The following SSB variants were observed in gnomAD, a reference collection of about 807,000 sequenced individuals.
SSB encodes small RNA binding exonuclease protection factor La.
SSB carries 17 observed loss-of-function variants against 52.9 expected under a neutral mutation model. The observed-to-expected ratio is 0.32, with a 90% CI of 0.22 to 0.48. The LOEUF (loss-of-function observed/expected upper bound fraction) is 0.48. Among genes scored for constraint, SSB ranks in the 20% least tolerant of loss-of-function variants. The pLI, the probability that SSB is intolerant of heterozygous loss-of-function variation, is 0.99. For missense variants in SSB, 314 were observed against 463.6 expected (o/e 0.68, Z 2.96); for synonymous variants, 111 against 152.1 (o/e 0.73, Z 1.99).
At chr2:169,800,857 A>T in intron 1 of SSB, 95 bp from the exon 2 acceptor site, 1 of 885,302 alleles carries the variant, frequency 1.1e-6, no homozygotes, top group Non-Finnish European at 1.6e-6. Context: ...TTGATTTTTT[A>T]AGAAAACGGG....
rs1689698102 is a variant in SSB, at chr2:169,800,847, T to G, written c.-9-105T>G. ...ACTGAACCCGTGAAAATAGAAATTC[T>G]TGATTTTTTAAGAAAACGGGATATT... On this transcript the variant is annotated intron_variant, in intron 1 of 11. Transcript: ENST00000260956. 3.8e-6 allele frequency: 3 copies of G among 798,370 alleles called. No homozygotes were observed. In the African/African-American group the frequency reaches 5.4e-5, roughly 14 times the overall value. The allele number at this position is 798,370 out of a possible 1,614,324, so 49.5% of individuals were successfully genotyped here.
At position 169,811,844 on chromosome 2, in the gene SSB, C is replaced by G. The variant is rs756961115; in HGVS notation, c.*88C>G. 2 of 1,613,552 alleles carry G rather than the reference C, an allele frequency of 1.2e-6. No individual in the cohort carries two copies. The stretch of plus-strand genomic sequence containing the variant: ...TTTAAAAGGAAAACCGAATTAGGTC[C>G]ACTTCAATGTCCACCTGTGAGAAAG... On this transcript the variant is annotated 3_prime_UTR_variant, in exon 12 of 12. Transcript: ENST00000260956.
intron 2 of SSB, among the ~76,000 whole-genome samples, 168 bp downstream of exon 2, chr2:169,801,194 T>C (rs1222208132): frequency 6.6e-6 from 1 of 152,230 alleles, no homozygotes; most frequent in Non-Finnish European, 1.5e-5. Context: ...GTTGTGAAAC[T>C]TAAGATGTAC....
At chr2:169,805,276 C>G (rs1391419441) in intron 2 of SSB, among the ~76,000 whole-genome samples, 198 bp from the exon 3 acceptor site, 1 of 152,188 alleles carries the variant, frequency 6.6e-6, no homozygotes, top group Non-Finnish European at 1.5e-5. Context: ...ATTGACACAT[C>G]TGTTACACTA....
In SSB at chr2:169,811,712, G is replaced by A. The variant is rs766886435; in HGVS notation, c.1183G>A (p.Ala395Thr). Residue 395 changes from alanine to threonine, a missense_variant, in exon 12 of 12, where the codon GCA (alanine) becomes ACA (threonine). Coordinates refer to ENST00000260956, the MANE Select transcript of SSB (RefSeq NM_003142.5). ...AGAAGAAACAGACAAAGAAGAACCT[G>A]CATCCAAACAACAGAAAACAGAAAA... The part of the protein sequence containing the change: ...AREETDKEEP[A>T]SKQQKTENGA... 1 of 1,613,316 alleles carries A rather than the reference G, an allele frequency of 6.2e-7. No individual in the cohort carries two copies. The highest frequency in any genetic ancestry group is 8.5e-7 in the Non-Finnish European group (1 of 1,179,558).
intron 9 of SSB, 75 bp from the exon 10 acceptor site, chr2:169,810,783 A>T: frequency 6.9e-7 from 1 of 1,448,944 alleles, no homozygotes; most frequent in Admixed American, 2.3e-5. Context: ...GGTAGAAAAA[A>T]TTACTTTGGA....
At chr2:169,803,738 CTT>C (rs879916895) in intron 2 of SSB, among the ~76,000 whole-genome samples, 1 of 144,376 alleles carries the variant, frequency 6.9e-6, no homozygotes, top group Non-Finnish European at 1.5e-5. Flanking sequence ...AAAATAGTGT[CTT>C]TTTTTTTTTT....
intron 11 of SSB, 146 bp from the exon 12 acceptor site, chr2:169,811,522 T>G: frequency 7.8e-7 from 1 of 1,289,734 alleles, no homozygotes; most frequent in Non-Finnish European, 1.0e-6. Flanking sequence ...AGAGGTCAGG[T>G]CTGTACTAAG....
At chr2:169,799,255 G>A (rs2105693864) in intron 1 of SSB, 1 of 150,394 alleles carries the variant, frequency 6.6e-6, no homozygotes, top group African/African-American at 2.4e-5. Context: ...ACGGGACTGT[G>A]GCTGCCCTCA....
intron 6 of SSB, 73 bp from the exon 7 acceptor site, chr2:169,808,409 T>A: frequency 8.2e-7 from 1 of 1,214,814 alleles, no homozygotes. Flanking sequence ...TGCCATGTCT[T>A]AAGTTATTCA....
chr2:169,801,342 G>A (rs141180130), intron 2 of SSB, among the ~76,000 whole-genome samples: 1,984 of 152,160 alleles, frequency 0.013, 60 homozygotes, highest in African/African-American at 0.044. Context: ...TCATAAGGTA[G>A]TTTGGAGGAT....
At chr2:169,802,312 CGAT>C (rs1194580523) in intron 2 of SSB, among the ~76,000 whole-genome samples, 1 of 150,136 alleles carries the variant, frequency 6.7e-6, no homozygotes, top group East Asian at 2.0e-4. Flanking sequence ...TTTACAATAT[CGAT>C]AATGGTTGCA....
At chr2:169,808,960 T>C in intron 8 of SSB, 58 bp downstream of exon 8, 1 of 1,411,400 alleles carries the variant, frequency 7.1e-7, no homozygotes, top group Non-Finnish European at 1.0e-6. Flanking sequence ...ATGAATAGCT[T>C]TTAAGTCTGA....
intron 1 of SSB, 47 bp from the exon 2 acceptor site, chr2:169,800,905 A>G (rs1689699964): frequency 1.5e-6 from 2 of 1,366,992 alleles, no homozygotes; most frequent in African/African-American, 3.0e-5. Flanking sequence ...TCTATTCTTG[A>G]GTTTTATATA....
chr2:169,803,283 G>T (rs1480884320), intron 2 of SSB, among the ~76,000 whole-genome samples: 3 of 151,916 alleles, frequency 2.0e-5, no homozygotes, highest in Non-Finnish European at 2.9e-5. Flanking sequence ...TTGTGATGGA[G>T]TCTCACTCTT....
intron 2 of SSB, among the ~76,000 whole-genome samples, chr2:169,802,077 T>G (rs919568358): frequency 2.2e-4 from 33 of 151,956 alleles, no homozygotes; most frequent in African/African-American, 8.0e-4. Flanking sequence ...CCTAGCTACT[T>G]GGGAAGCTGA....
chr2:169,806,726 A>C, intron 4 of SSB, 59 bp from the exon 5 acceptor site: 2 of 1,331,574 alleles, frequency 1.5e-6, no homozygotes, highest in Non-Finnish European at 2.1e-6. Context: ...AATTCTCTCC[A>C]ATTGTTTATC....
intron 6 of SSB, among the ~76,000 whole-genome samples, chr2:169,807,956 A>G (rs1042479995): frequency 6.6e-6 from 1 of 152,022 alleles, no homozygotes; most frequent in Non-Finnish European, 1.5e-5. Flanking sequence ...ATGCACTGTG[A>G]TGGGTCATAG....
intron 6 of SSB, among the ~76,000 whole-genome samples, chr2:169,807,825 A>T (rs1304207154): frequency 1.4e-5 from 2 of 145,252 alleles, no homozygotes; most frequent in African/African-American, 5.1e-5. Flanking sequence ...TAAGTGTCTA[A>T]AAATGGGGAT....
Sources: allele counts gnomAD v4.1 joint callset (sites outside exome capture counted in the v4.1 genomes callset), GRCh38; gene constraint gnomAD v4.1.1; transcripts MANE v1.5; gene names NCBI Gene and HGNC (gene_info 2026-07-23, HGNC 2026-07-21).